RPSA2: variants seen among roughly 807,000 people sequenced by gnomAD.
RPSA2 encodes small ribosomal subunit protein uS2B.
chr19:23,769,797 C>T, the RPSA2 span, among the ~76,000 whole-genome samples: 1 of 152,158 alleles, frequency 6.6e-6, no homozygotes, highest in African/African-American at 2.4e-5. Flanking sequence ...TGACTCTCCT[C>T]TCCAGTCTGG....
At chr19:23,762,404 G>C in the RPSA2 span, among the ~76,000 whole-genome samples, 16 of 151,738 alleles carry the variant, frequency 1.1e-4, no homozygotes, top group African/African-American at 2.4e-5. Context: ...GGCAGGGCGC[G>C]GTGGCTCATG....
chr19:23,832,495 T>A, the RPSA2 span: 5 of 534,284 alleles, frequency 9.4e-6, no homozygotes, highest in Non-Finnish European at 1.7e-5. Flanking sequence ...GCAAACCTTT[T>A]AGCCAAAACT....
the RPSA2 span, chr19:23,833,055 C>T: frequency 7.4e-7 from 1 of 1,346,664 alleles, no homozygotes; most frequent in South Asian, 1.4e-5. Context: ...AGAAACCCTA[C>T]AAGTGTGAAG....
the RPSA2 span, among the ~76,000 whole-genome samples, chr19:23,800,033 T>C: frequency 4.3e-4 from 64 of 147,426 alleles, 1 homozygote; most frequent in African/African-American, 9.7e-4. Flanking sequence ...TTTTCTTTTT[T>C]TTTTTTTTTT....
the RPSA2 span, among the ~76,000 whole-genome samples, chr19:23,849,123 C>T: frequency 6.6e-6 from 1 of 152,224 alleles, no homozygotes; most frequent in South Asian, 2.1e-4. Flanking sequence ...ACAATTAATA[C>T]ATTGGGCAGT....
chr19:23,788,363 T>C, the RPSA2 span, among the ~76,000 whole-genome samples: 2 of 152,172 alleles, frequency 1.3e-5, no homozygotes, highest in African/African-American at 2.4e-5. Context: ...CTCAGGGCAT[T>C]GTGACATGTT....
At chr19:23,856,737 G>C in the RPSA2 span, among the ~76,000 whole-genome samples, 1 of 152,166 alleles carries the variant, frequency 6.6e-6, no homozygotes, top group Non-Finnish European at 1.5e-5. Context: ...TGGGCCGCTG[G>C]GGGTGACATC....
At chr19:23,870,640 A>G in the RPSA2 span, among the ~76,000 whole-genome samples, 2 of 152,234 alleles carry the variant, frequency 1.3e-5, no homozygotes, top group East Asian at 1.9e-4. Flanking sequence ...TATCTAAAGT[A>G]CCACATTAAC....
chr19:23,852,786 A>T, the RPSA2 span, among the ~76,000 whole-genome samples: 3 of 152,224 alleles, frequency 2.0e-5, no homozygotes, highest in Non-Finnish European at 4.4e-5. Flanking sequence ...TGCTCCCAAT[A>T]GTTACCCAAA....
the RPSA2 span, chr19:23,827,297 A>G: frequency 1.3e-5 from 18 of 1,400,192 alleles, no homozygotes; most frequent in African/African-American, 2.8e-5. Flanking sequence ...AAGTGATGGC[A>G]TCTATATCAT....
the RPSA2 span, among the ~76,000 whole-genome samples, chr19:23,797,159 A>T: frequency 1.3e-5 from 2 of 152,074 alleles, no homozygotes; most frequent in Non-Finnish European, 2.9e-5. Flanking sequence ...TGCCCAGGCC[A>T]AGTGCAATGG....
At chr19:23,805,138 CACACACACACACACACA>C in the RPSA2 span, among the ~76,000 whole-genome samples, 1 of 1,128 alleles carries the variant, frequency 8.9e-4, no homozygotes, top group Non-Finnish European at 3.3e-3. Context: ...CACACACACA[CACACACACACACACACA>C]CACACACACT....
the RPSA2 span, among the ~76,000 whole-genome samples, chr19:23,849,300 A>T: frequency 1.4e-5 from 2 of 145,838 alleles, no homozygotes; most frequent in South Asian, 2.3e-4. Context: ...ACCATAATGA[A>T]GCAATCTGAG....
the RPSA2 span, among the ~76,000 whole-genome samples, chr19:23,767,861 G>A: frequency 6.8e-6 from 1 of 147,882 alleles, no homozygotes; most frequent in Non-Finnish European, 1.5e-5. Context: ...CCGCCTCCCG[G>A]GTTCAAGCTG....
At chr19:23,788,409 A>G in the RPSA2 span, among the ~76,000 whole-genome samples, 1 of 151,934 alleles carries the variant, frequency 6.6e-6, no homozygotes, top group East Asian at 2.0e-4. Context: ...GACTTCCTCT[A>G]CTGCTTGGAC....
chr19:23,809,058 C>T, the RPSA2 span: 1 of 171,692 alleles, frequency 5.8e-6, no homozygotes, highest in South Asian at 1.4e-4. Flanking sequence ...AAGTACTATT[C>T]ATGACATACA....
At chr19:23,870,728 C>T in the RPSA2 span, among the ~76,000 whole-genome samples, 1 of 152,090 alleles carries the variant, frequency 6.6e-6, no homozygotes, top group Non-Finnish European at 1.5e-5. Flanking sequence ...GATGGATTGC[C>T]AATCAGAAAA....
the RPSA2 span, among the ~76,000 whole-genome samples, chr19:23,822,488 C>T: frequency 5.3e-5 from 8 of 152,038 alleles, no homozygotes; most frequent in East Asian, 7.7e-4. Context: ...GGGGGTTCTC[C>T]GTGTAGGAGG....
chr19:23,763,299 G>T, the RPSA2 span, among the ~76,000 whole-genome samples: 1 of 152,178 alleles, frequency 6.6e-6, no homozygotes, highest in Admixed American at 6.5e-5. Flanking sequence ...CCACAGCCGG[G>T]ACCCCAGCGT....
Sources: gnomAD v4.1 joint callset for allele counts (sites outside exome capture counted in the v4.1 genomes callset) on GRCh38, gnomAD v4.1.1 for gene constraint, MANE v1.5 for transcripts, NCBI Gene and HGNC (gene_info 2026-07-23, HGNC 2026-07-21) for gene names.